The following MBD2 variants were observed in gnomAD, a reference collection of about 807,000 sequenced individuals.
The protein encoded by MBD2 is methyl-CpG binding domain protein 2, also known as methyl-CpG-binding domain protein 2.
Under a neutral mutation model 39.3 loss-of-function variants are expected in MBD2, and 9 were observed. The observed-to-expected ratio is 0.23, with a 90% confidence interval of 0.14 to 0.40. MBD2 has a LOEUF of 0.40. Among genes scored for constraint, MBD2 ranks in the 10% least tolerant of loss-of-function variants. The pLI is 1.00. For missense variants in MBD2, 458 were observed against 532.6 expected (o/e 0.86, Z 1.38); for synonymous variants, 233 against 211.1 (o/e 1.10, Z -0.90).
chr18:54,224,621 ACCCGC>A lies in MBD2; in HGVS notation c.-67_-63del. 3.4e-6 allele frequency: 4 copies of A among 1,161,994 alleles called. No homozygotes were observed. Among genetic ancestry groups the A allele is most frequent in the Non-Finnish European group, 4.3e-6 (4 of 926,230 alleles). The allele number at this position is 1,161,994 out of a possible 1,614,324, so 72.0% of individuals were successfully genotyped here. The stretch of plus-strand genomic sequence containing the variant: ...TAACCGAGCCCTTGGAATCCCGGAG[ACCCGC>A]CCCGCCCGCAGCGCGGCGCGCGGGG... On this transcript the variant is annotated 5_prime_UTR_variant, in exon 1 of 7. Coordinates refer to ENST00000256429, the MANE Select transcript of MBD2 (RefSeq NM_003927.5).
chr18:54,216,140 A>C (rs2086558968), intron 1 of MBD2, among the ~76,000 whole-genome samples: 1 of 152,074 alleles, frequency 6.6e-6, no homozygotes, highest in East Asian at 1.9e-4. Flanking sequence ...CAAAATATAA[A>C]AGAATTTTAA....
intron 3 of MBD2, among the ~76,000 whole-genome samples, chr18:54,186,767 G>A (rs1461698787): frequency 3.3e-5 from 5 of 152,152 alleles, no homozygotes; most frequent in Admixed American, 1.3e-4. Context: ...CAAAGCTTTT[G>A]GAGAAGTGGC....
intron 3 of MBD2, among the ~76,000 whole-genome samples, chr18:54,179,757 A>G (rs1054187849): frequency 2.0e-5 from 3 of 152,210 alleles, no homozygotes; most frequent in Non-Finnish European, 2.9e-5. Flanking sequence ...TATTTACAAA[A>G]AAGCCTAGAG....
intron 5 of MBD2, 103 bp downstream of exon 5, chr18:54,164,420 G>A (rs1599075787): frequency 3.1e-6 from 3 of 971,182 alleles, no homozygotes; most frequent in Non-Finnish European, 4.6e-6. Flanking sequence ...AACTTTCTAG[G>A]TGATATATCA....
chr18:54,157,323 C>T (rs778083566), intron 6 of MBD2, among the ~76,000 whole-genome samples: 37 of 151,740 alleles, frequency 2.4e-4, no homozygotes, highest in Non-Finnish European at 4.1e-4. Flanking sequence ...TGCAGTGGCG[C>T]GATCTCGGCT....
At chr18:54,211,465 A>ACCT (rs1372510440) in intron 1 of MBD2, among the ~76,000 whole-genome samples, 2 of 151,542 alleles carry the variant, frequency 1.3e-5, no homozygotes, top group African/African-American at 4.8e-5. Flanking sequence ...AGCTCCCTGT[A>ACCT]CCTCCTTAAC....
At chr18:54,183,689 T>C (rs888780274) in intron 3 of MBD2, among the ~76,000 whole-genome samples, 1 of 152,192 alleles carries the variant, frequency 6.6e-6, no homozygotes, top group South Asian at 2.1e-4. Context: ...AAGCAGATAG[T>C]AAACACACAC....
rs1283088070 is a variant in MBD2 at position 54,224,002 on chromosome 18, G to A, written c.542+16C>T. On this transcript the variant is annotated intron_variant, in intron 1 of 6. Transcript: ENST00000256429. ...GGCCTGACCCCGCCACCCCCTCCCC[G>A]CCCCCAGGGAGGTACCTGAAGTAGT... is the stretch of plus-strand genomic sequence containing the variant. The A allele has an allele frequency of 3.4e-5, 16 of 475,580 alleles. No homozygotes were observed. Among genetic ancestry groups the A allele is most frequent in the Admixed American group, 6.3e-5 (2 of 31,630 alleles). 29.5% of individuals were successfully genotyped at this position (475,580 alleles called of 1,614,324 possible). A position where few individuals can be genotyped will look rare whatever the true frequency, so the allele number is the denominator to read the frequency against.
chr18:54,159,851 T>C lies in MBD2; in HGVS notation c.1162A>G (p.Met388Val). 6.2e-7 allele frequency: 1 copy of C among 1,612,996 alleles called. No individual in the cohort carries two copies. The highest frequency in any genetic ancestry group is 1.1e-5 in the South Asian group (1 of 91,088). The change falls in exon 6 of 7, where the codon ATG becomes GTG. Residue 388 changes from methionine to valine, a missense_variant. Around this residue, in one of 2 missense-constraint regions of MBD2, gnomAD observed 189 missense variants for 296.6 expected, o/e 0.64. Coordinates refer to ENST00000256429, the MANE Select transcript of MBD2 (RefSeq NM_003927.5). ...QVRKKLEEAL[M>V]ADILSRAADT... ...GCAGCTCGCGACAAGATGTCTGCCA[T>C]CAGTGCTTCTTCCAATTTCTTGCGT...
chr18:54,209,297 CAAAAAAAA>C (rs34165824), intron 1 of MBD2, among the ~76,000 whole-genome samples: 34 of 67,608 alleles, frequency 5.0e-4, no homozygotes, highest in Admixed American at 5.2e-4. Context: ...ACTCCATCTC[CAAAAAAAA>C]AAAAAAAAAA....
chr18:54,185,060 T>A (rs2086276244), intron 3 of MBD2, among the ~76,000 whole-genome samples: 1 of 152,192 alleles, frequency 6.6e-6, no homozygotes, highest in South Asian at 2.1e-4. Context: ...ATAGTAACCC[T>A]CTGGGTTTTA....
At chr18:54,189,981 T>C (rs1475923279) in intron 2 of MBD2, among the ~76,000 whole-genome samples, 11 of 152,046 alleles carry the variant, frequency 7.2e-5, no homozygotes, top group Admixed American at 7.2e-4. Context: ...AGGATAGCAA[T>C]CATTTCTACA....
At chr18:54,213,782 T>C (rs2086531238) in intron 1 of MBD2, among the ~76,000 whole-genome samples, 1 of 152,188 alleles carries the variant, frequency 6.6e-6, no homozygotes. Context: ...TAGGGATTCA[T>C]TATACTTTTC....
intron 1 of MBD2, among the ~76,000 whole-genome samples, chr18:54,210,844 C>T (rs1361764046): frequency 6.7e-6 from 1 of 149,952 alleles, no homozygotes; most frequent in Non-Finnish European, 1.5e-5. Flanking sequence ...ATGTTTGAGA[C>T]TAAAAGAAAC....
chr18:54,186,403 T>C (rs895284303), intron 3 of MBD2, among the ~76,000 whole-genome samples: 2 of 152,124 alleles, frequency 1.3e-5, no homozygotes, highest in Non-Finnish European at 2.9e-5. Context: ...TTTCTGCCTA[T>C]GTATATTTTG....
chr18:54,203,014 G>T, intron 2 of MBD2: 1 of 1,135,360 alleles, frequency 8.8e-7, no homozygotes, highest in Admixed American at 1.7e-5. Context: ...AAGGGGGTAA[G>T]CACATTCCAA....
Position 54,224,426 on chromosome 18 carries a change from G to A in MBD2, c.134C>T (p.Pro45Leu), listed in dbSNP as rs1157919705. ...GCCTTCCCTGCGCACGCCGCTCACC[G>A]GGGACGGGGCGAGCGCGCTGCCCTG... Reference protein sequence around the residue: ...GGQGSALAPSPVSGVRREGAR... With the variant: ...GGQGSALAPSLVSGVRREGAR... Residue 45 changes from proline to leucine, a missense_variant, in exon 1 of 7, where the codon CCG becomes CTG. This residue lies in a region of MBD2 where 269 missense variants were observed against 236.0 expected (regional missense o/e 1.14). Transcript: ENST00000256429. 2 of 1,240,998 alleles carry A rather than the reference G, an allele frequency of 1.6e-6. No homozygotes were observed. Among genetic ancestry groups the A allele is most frequent in the Non-Finnish European group, 2.0e-6 (2 of 995,514 alleles). The allele number at this position is 1,240,998 out of a possible 1,614,324, so 76.9% of individuals were successfully genotyped here.
At chr18:54,220,276 A>T (rs928192871) in intron 1 of MBD2, among the ~76,000 whole-genome samples, 1 of 152,154 alleles carries the variant, frequency 6.6e-6, no homozygotes, top group African/African-American at 2.4e-5. Flanking sequence ...TTTTCAGAAA[A>T]TATACCAATG....
At position 54,224,002 on chromosome 18, in the gene MBD2, G is replaced by T; in HGVS notation, c.542+16C>A. 4 of 475,700 alleles carry T rather than the reference G, an allele frequency of 8.4e-6. No homozygotes were observed. The highest frequency in any genetic ancestry group is 1.1e-5 in the Non-Finnish European group (3 of 273,788). The allele number at this position is 475,700 out of a possible 1,614,324, so 29.5% of individuals were successfully genotyped here. ...GGCCTGACCCCGCCACCCCCTCCCC[G>T]CCCCCAGGGAGGTACCTGAAGTAGT... On this transcript the variant is annotated intron_variant, in intron 1 of 6. Transcript: ENST00000256429.
Sources: allele counts gnomAD v4.1 joint callset (sites outside exome capture counted in the v4.1 genomes callset), GRCh38; gene constraint gnomAD v4.1.1; regional missense constraint gnomAD v4.1.1; transcripts MANE v1.5; gene names NCBI Gene and HGNC (gene_info 2026-07-23, HGNC 2026-07-21).